Variants in DIP2A observed in about 807,000 individuals in gnomAD.
DIP2A encodes disco-interacting protein 2 homolog A.
Under a neutral mutation model 177.4 loss-of-function variants are expected in DIP2A, and 85 were observed. The ratio of observed to expected loss-of-function variants is 0.48; its 90% CI spans 0.40 to 0.57. The LOEUF (loss-of-function observed/expected upper bound fraction) is 0.57, where lower values mean the gene tolerates loss of function less well. Ranked by LOEUF, DIP2A falls within the 20% of genes least tolerant of loss-of-function variation. DIP2A has a pLI of 0.00. For missense variants in DIP2A, 1,791 were observed against 2,100.2 expected (o/e 0.85, Z 2.88); for synonymous variants, 886 against 881.8 (o/e 1.00, Z -0.08).
At chr21:46,515,559 C>T (rs993192398) in intron 8 of DIP2A, among the ~76,000 whole-genome samples, 9 of 151,570 alleles carry the variant, frequency 5.9e-5, no homozygotes, top group African/African-American at 2.2e-4. Flanking sequence ...TTTTTTGAGA[C>T]AAGGTTGTGT....
the DIP2A span, among the ~76,000 whole-genome samples, chr21:46,580,080 G>A: frequency 1.3e-5 from 2 of 152,156 alleles, no homozygotes; most frequent in African/African-American, 4.8e-5. Flanking sequence ...TTGTGTGAGA[G>A]TCTAAGTCTC....
Position 46,537,552 on chromosome 21 carries a change from A to G in DIP2A, c.1801+13A>G. On this transcript the variant is annotated intron_variant, in intron 15 of 37. Coordinates refer to ENST00000417564, the MANE Select transcript of DIP2A (RefSeq NM_015151.4). This position sits in a 1 kb window ranked among gnomAD's most constrained non-coding sequence, Gnocchi z 4.1. ...TGCTTCTATAAAGGTAACGGATACCATGGTCAGGGCCTTCACCCTTCTTTA... is the reference window on the plus strand; with the variant it reads ...TGCTTCTATAAAGGTAACGGATACCGTGGTCAGGGCCTTCACCCTTCTTTA... 1 of 1,612,910 alleles carries G rather than the reference A, an allele frequency of 6.2e-7. No individual in the cohort carries two copies. The highest frequency in any genetic ancestry group is 8.5e-7 in the Non-Finnish European group (1 of 1,178,912).
intron 26 of DIP2A, 85 bp from the exon 27 acceptor site, chr21:46,554,490 C>T: frequency 1.9e-6 from 3 of 1,566,862 alleles, no homozygotes; most frequent in African/African-American, 1.3e-5. Flanking sequence ...CACCACCTCC[C>T]CTCCTCTCTC....
intron 1 of DIP2A, among the ~76,000 whole-genome samples, chr21:46,460,293 C>G (rs1460033353): frequency 1.3e-5 from 2 of 152,022 alleles, no homozygotes; most frequent in Non-Finnish European, 2.9e-5. Flanking sequence ...TGGATGTTAT[C>G]CCTTTCAAGG....
At chr21:46,497,646 T>C (rs2839293) in intron 4 of DIP2A, among the ~76,000 whole-genome samples, 24,210 of 152,258 alleles carry the variant, frequency 0.16, 2,184 homozygotes, top group African/African-American at 0.2. Context: ...TGTTAAACTG[T>C]ACAAGATGTC....
chr21:46,495,250 C>CTCTTCTT (rs2057284881), intron 3 of DIP2A, among the ~76,000 whole-genome samples: 1 of 96,312 alleles, frequency 1.0e-5, no homozygotes, highest in Non-Finnish European at 1.9e-5. Context: ...TTCTTTCTCT[C>CTCTTCTT]TCTCTCTCTC....
intron 18 of DIP2A, among the ~76,000 whole-genome samples, chr21:46,544,631 G>C (rs1260231796): frequency 6.6e-6 from 1 of 152,198 alleles, no homozygotes; most frequent in Non-Finnish European, 1.5e-5. Context: ...AGATATCCTA[G>C]AGGCACTCCT....
At chr21:46,509,203 C>A in intron 6 of DIP2A, 54 bp from the exon 7 acceptor site, 1 of 1,548,982 alleles carries the variant, frequency 6.5e-7, no homozygotes, top group South Asian at 1.2e-5. Context: ...ACACCTGTGT[C>A]CACTTCTTCA....
chr21:46,495,281 T>TCTCTCTCTC (rs1555883154), intron 3 of DIP2A, among the ~76,000 whole-genome samples: 14 of 147,538 alleles, frequency 9.5e-5, no homozygotes, highest in Admixed American at 1.4e-4. Flanking sequence ...TCTCTCTCTG[T>TCTCTCTCTC]TTTTGAGATG....
intron 5 of DIP2A, among the ~76,000 whole-genome samples, chr21:46,503,704 TTTCC>T (rs1225679587): frequency 0.011 from 1,723 of 149,936 alleles, 39 homozygotes; most frequent in African/African-American, 0.039. Flanking sequence ...CTTCTTTCTC[TTTCC>T]TTCCTTCCTT....
chr21:46,459,249 C>T, intron 1 of DIP2A, 27 bp downstream of exon 1: 2 of 1,505,740 alleles, frequency 1.3e-6, no homozygotes, highest in South Asian at 1.2e-5. Context: ...CCTCAACCCC[C>T]GCGACCCGCC....
intron 1 of DIP2A, among the ~76,000 whole-genome samples, chr21:46,477,333 C>A (rs2055938910): frequency 6.6e-6 from 1 of 151,756 alleles, no homozygotes. Context: ...TCAAGACCAG[C>A]CTGGTCAACA....
chr21:46,534,086 C>T lies in DIP2A; in HGVS notation c.1512C>T (p.Asp504=). The change falls in exon 12 of 38, where the codon GAC becomes GAT. Residue 504 remains aspartate, a synonymous_variant. Transcript: ENST00000417564. ...PPKDWHPLAQ[D]TGTGTAYIEY... The stretch of plus-strand genomic sequence containing the variant: ...AGGACTGGCACCCTCTGGCCCAGGA[C>T]ACAGGGACTGGGACTGCCTACATTG... The T allele has an allele frequency of 6.2e-7, 1 of 1,613,838 alleles. No homozygotes were observed. The highest frequency in any genetic ancestry group is 8.5e-7 in the Non-Finnish European group (1 of 1,179,806).
At position 46,566,614 on chromosome 21, in the gene DIP2A, G is replaced by A; in HGVS notation, c.4394G>A (p.Arg1465Lys). 1 of 1,614,232 alleles carries A rather than the reference G, an allele frequency of 6.2e-7. No individual in the cohort carries two copies. The highest frequency in any genetic ancestry group is 8.5e-7 in the Non-Finnish European group (1 of 1,180,040). Reference sequence around the variant, plus strand: ...TCTCTGGATGAAACTCTGGAGCTCAGAGGCATGCGGTACCACCCCATCGAC... The same window carrying A: ...TCTCTGGATGAAACTCTGGAGCTCAAAGGCATGCGGTACCACCCCATCGAC... ...VGSLDETLEL[R>K]GMRYHPIDIE... Residue 1465 changes from arginine (R) to lysine (K), a missense_variant, in exon 37 of 38, where the codon AGA becomes AAA. Transcript: ENST00000417564.
At chr21:46,539,228 A>C (rs929641862) in intron 16 of DIP2A, 4 of 161,904 alleles carry the variant, frequency 2.5e-5, no homozygotes, top group African/African-American at 9.6e-5. Context: ...TGCAGCACAC[A>C]CCTGTTGACC....
intron 6 of DIP2A, among the ~76,000 whole-genome samples, chr21:46,505,478 G>A (rs555145663): frequency 9.2e-5 from 14 of 152,172 alleles, no homozygotes; most frequent in South Asian, 4.2e-4. Context: ...GTGTGGTGGC[G>A]GGCGTCTATA....
intron 2 of DIP2A, among the ~76,000 whole-genome samples, chr21:46,486,732 A>G (rs114178151): frequency 2.0e-5 from 3 of 152,370 alleles, no homozygotes; most frequent in African/African-American, 7.2e-5. Flanking sequence ...CTAGTATTAC[A>G]TAGTAAAGTT....
chr21:46,523,811 C>A (rs756454150), intron 8 of DIP2A, among the ~76,000 whole-genome samples: 1 of 152,198 alleles, frequency 6.6e-6, no homozygotes, highest in Non-Finnish European at 1.5e-5. Flanking sequence ...AGAGAAAGTA[C>A]CTCCGCGTGG....
At chr21:46,477,105 C>T (rs2055915034) in intron 1 of DIP2A, among the ~76,000 whole-genome samples, 1 of 152,180 alleles carries the variant, frequency 6.6e-6, no homozygotes, top group South Asian at 2.1e-4. Context: ...TCCTCCTGCT[C>T]TTCCTCTGTG....
Sources: gnomAD v4.1 joint callset for allele counts (sites outside exome capture counted in the v4.1 genomes callset) on GRCh38, gnomAD v4.1.1 for gene constraint, Gnocchi (gnomAD v3.1) non-coding constraint, MANE v1.5 for transcripts, NCBI Gene and HGNC (gene_info 2026-07-23, HGNC 2026-07-21) for gene names.